DCC: variants seen among roughly 807,000 people sequenced by gnomAD.
DCC encodes the protein netrin receptor DCC.
In DCC, 58 loss-of-function variants were observed where a neutral mutation model predicts 172.5. That is an observed-to-expected ratio of 0.34 (90% confidence interval 0.27 to 0.42). DCC has a LOEUF of 0.42. Among genes scored for constraint, DCC ranks in the 10% least tolerant of loss-of-function variants. The pLI is 1.00. For missense variants in DCC, 1,740 were observed against 1,791.0 expected (o/e 0.97, Z 0.51); for synonymous variants, 709 against 644.5 (o/e 1.10, Z -1.52).
chr18:52,475,330 A>T (rs904750671), intron 1 of DCC, among the ~76,000 whole-genome samples: 1 of 152,180 alleles, frequency 6.6e-6, no homozygotes, highest in Non-Finnish European at 1.5e-5. Flanking sequence ...GAAAATGAAC[A>T]TGGAGCTCCA....
intron 1 of DCC, among the ~76,000 whole-genome samples, chr18:52,642,046 ACTGTGGTG>A (rs1395903309): frequency 6.1e-4 from 10 of 16,342 alleles, no homozygotes; most frequent in Admixed American, 1.0e-3. Flanking sequence ...ATATATATAT[ACTGTGGTG>A]TGTGTGTGTA....
At chr18:53,098,139 TATATC>T (rs1421321390) in intron 7 of DCC, among the ~76,000 whole-genome samples, 2 of 152,196 alleles carry the variant, frequency 1.3e-5, no homozygotes, top group African/African-American at 4.8e-5. Context: ...TATTTTGACT[TATATC>T]ATCTCAAAAT....
At chr18:53,460,880 A>C (rs2145169952) in intron 24 of DCC, among the ~76,000 whole-genome samples, 1 of 152,186 alleles carries the variant, frequency 6.6e-6, no homozygotes. Flanking sequence ...TGGTTGAACT[A>C]GTTTACAGTC....
At chr18:52,808,975 A>T (rs1447046799) in intron 2 of DCC, among the ~76,000 whole-genome samples, 1 of 152,000 alleles carries the variant, frequency 6.6e-6, no homozygotes, top group East Asian at 1.9e-4. Context: ...ACTTACTTTA[A>T]CCCTAGGTTT....
chr18:52,884,648 T>C (rs2039543311), intron 2 of DCC, among the ~76,000 whole-genome samples: 1 of 152,236 alleles, frequency 6.6e-6, no homozygotes, highest in South Asian at 2.1e-4. Context: ...CTATTTTGAA[T>C]TCTCTGTCTG....
At chr18:53,329,250 T>C (rs1240347134) in intron 14 of DCC, among the ~76,000 whole-genome samples, 1 of 152,108 alleles carries the variant, frequency 6.6e-6, no homozygotes, top group Non-Finnish European at 1.5e-5. Context: ...CTTAAAAACT[T>C]CCTACAATTT....
At chr18:53,101,778 G>T (rs867100551) in intron 7 of DCC, among the ~76,000 whole-genome samples, 1 of 151,698 alleles carries the variant, frequency 6.6e-6, no homozygotes, top group African/African-American at 2.4e-5. Context: ...AGGACAAGTG[G>T]CAGTGCTTCC....
At chr18:53,015,135 G>A (rs955290208) in intron 5 of DCC, among the ~76,000 whole-genome samples, 4 of 152,220 alleles carry the variant, frequency 2.6e-5, no homozygotes, top group Admixed American at 6.5e-5. Context: ...TTTGCCTCTC[G>A]AAAATTCTTC....
chr18:53,299,268 G>A (rs1457125334), intron 12 of DCC, among the ~76,000 whole-genome samples: 5 of 152,126 alleles, frequency 3.3e-5, no homozygotes, highest in African/African-American at 4.8e-5. Context: ...TTAGCCAAAT[G>A]CCTTAAATGA....
intron 5 of DCC, among the ~76,000 whole-genome samples, chr18:53,060,847 G>T (rs2042484638): frequency 2.0e-5 from 3 of 151,934 alleles, no homozygotes; most frequent in Admixed American, 2.0e-4. Context: ...TCAATCATTT[G>T]TTTTTTGAGA....
chr18:52,565,172 C>T (rs1402071935), intron 1 of DCC, among the ~76,000 whole-genome samples: 1 of 151,998 alleles, frequency 6.6e-6, no homozygotes, highest in African/African-American at 2.4e-5. Flanking sequence ...AAATAAAACC[C>T]TGTCTCTGTT....
intron 1 of DCC, among the ~76,000 whole-genome samples, chr18:52,652,862 C>T (rs934216021): frequency 3.9e-5 from 6 of 151,932 alleles, no homozygotes; most frequent in African/African-American, 9.7e-5. Context: ...GAGGAGCTTT[C>T]GTGGGTCTGG....
rs767923423 is a variant in DCC, at chr18:52,752,047, G to C, written c.92-7G>C. ...TGAACATATTTCCCTGTGCTCTCTT[G>C]TTCCAGGTTTTCAAATTAAAGCTTT... On this transcript the variant is annotated splice_region_variant and splice_polypyrimidine_tract_variant and intron_variant, in intron 1 of 28. Transcript: ENST00000442544. 3 of 1,612,380 alleles carry C rather than the reference G, an allele frequency of 1.9e-6. No homozygotes were observed. Among genetic ancestry groups the C allele is most frequent in the Non-Finnish European group, 2.5e-6 (3 of 1,178,528 alleles).
At chr18:52,613,327 C>T (rs1202968910) in intron 1 of DCC, among the ~76,000 whole-genome samples, 2 of 152,162 alleles carry the variant, frequency 1.3e-5, no homozygotes, top group African/African-American at 4.8e-5. Flanking sequence ...GCTAGCTCAG[C>T]TCACCGCAAG....
chr18:52,901,295 T>C (rs1355769758), intron 2 of DCC, among the ~76,000 whole-genome samples: 1 of 152,042 alleles, frequency 6.6e-6, no homozygotes, highest in East Asian at 1.9e-4. Context: ...TAGCTGGGCA[T>C]GGTGGCATGC....
At chr18:52,555,926 C>G (rs2032902799) in intron 1 of DCC, among the ~76,000 whole-genome samples, 1 of 151,878 alleles carries the variant, frequency 6.6e-6, no homozygotes, top group Non-Finnish European at 1.5e-5. Flanking sequence ...TGGAGTCATC[C>G]CATTACCCAC....
At position 52,807,007 on chromosome 18, in the gene DCC, A is replaced by C. The variant is rs2038098140; in HGVS notation, c.412+54633A>C. ...CAAGAAATCAAGACCACCCTGGCCA[A>C]TATGGTGAAACCGTATCTCTACTAA... On this transcript the variant is annotated intron_variant, in intron 2 of 28. Coordinates refer to ENST00000442544, the MANE Select transcript of DCC (RefSeq NM_005215.4). Among the ~76,000 whole-genome samples, 3 of 152,264 alleles carry C rather than the reference A, an allele frequency of 2.0e-5. No homozygotes were observed. In the South Asian group the frequency reaches 6.2e-4, roughly 32 times the overall value.
chr18:53,177,756 C>T (rs774756414), intron 8 of DCC, among the ~76,000 whole-genome samples: 5 of 152,096 alleles, frequency 3.3e-5, no homozygotes, highest in Non-Finnish European at 7.4e-5. Flanking sequence ...GAGACTCAGT[C>T]ACAAGGCCTC....
intron 2 of DCC, among the ~76,000 whole-genome samples, chr18:52,821,187 C>A (rs533357925): frequency 6.6e-6 from 1 of 152,150 alleles, no homozygotes; most frequent in Non-Finnish European, 1.5e-5. Context: ...CAACATCAAA[C>A]CTACTATCCT....
Sources: allele counts gnomAD v4.1 joint callset (sites outside exome capture counted in the v4.1 genomes callset), GRCh38; gene constraint gnomAD v4.1.1; transcripts MANE v1.5; gene names NCBI Gene and HGNC (gene_info 2026-07-23, HGNC 2026-07-21).